LITAF: variants seen among roughly 807,000 people sequenced by gnomAD.
LITAF encodes the protein lipopolysaccharide induced TNF factor.
LITAF carries 9 observed loss-of-function variants against 14.5 expected under a neutral mutation model. That is an observed-to-expected ratio of 0.62 (90% CI 0.37 to 1.08). The LOEUF (loss-of-function observed/expected upper bound fraction) is 1.08, where lower values mean the gene tolerates loss of function less well. Ranked by LOEUF, LITAF falls within the 50% of genes least tolerant of loss-of-function variation. The probability of loss-of-function intolerance (pLI) is 0.01; values close to 1 mark genes in which losing one functional copy is unlikely to be tolerated. For synonymous variants in LITAF, 98 were observed against 88.2 expected (o/e 1.11, Z -0.62); for missense variants, 206 against 213.4 (o/e 0.97, Z 0.22).
upstream of LITAF, among the ~76,000 whole-genome samples, chr16:11,639,282 T>G (rs1396346167): frequency 6.6e-6 from 1 of 150,572 alleles, no homozygotes; most frequent in African/African-American, 2.5e-5. Context: ...GATAAATGGA[T>G]GGATGGGTGG....
intron 1 of LITAF, among the ~76,000 whole-genome samples, chr16:11,566,315 G>A (rs1359508357): frequency 2.0e-5 from 3 of 152,168 alleles, no homozygotes; most frequent in Non-Finnish European, 4.4e-5. Flanking sequence ...CTTGGACAGA[G>A]GGGTTTTTCC....
chr16:11,563,161 T>C lies in LITAF; in HGVS notation c.-5-6426A>G, dbSNP rs531167638. Among the ~76,000 whole-genome samples, 17 of 151,990 alleles carry C rather than the reference T, an allele frequency of 1.1e-4. No individual in the cohort carries two copies. In the South Asian group the frequency reaches 3.3e-3, roughly 30 times the overall value. ...AAAAATTATAATAATAATAATTTTT[T>C]TTTTTGAGTCAGAGTCTCACTCTGT... On this transcript the variant is annotated intron_variant, in intron 1 of 3. Coordinates refer to ENST00000622633, the MANE Select transcript of LITAF (RefSeq NM_001136472.2).
upstream of LITAF, among the ~76,000 whole-genome samples, chr16:11,603,089 G>C (rs1180470255): frequency 6.6e-6 from 1 of 152,128 alleles, no homozygotes; most frequent in Non-Finnish European, 1.5e-5. Context: ...ATTCCAGCCT[G>C]GGCAATCTAG....
chr16:11,613,969 T>G (rs1371254706), intron 3 of LITAF, among the ~76,000 whole-genome samples: 2 of 152,212 alleles, frequency 1.3e-5, no homozygotes, highest in Non-Finnish European at 2.9e-5. Context: ...CTCTGCTTCC[T>G]GGCAGGTCCT....
At chr16:11,611,907 CG>C (rs970943568) in intron 3 of LITAF, among the ~76,000 whole-genome samples, 275 of 152,252 alleles carry the variant, frequency 1.8e-3, no homozygotes, top group African/African-American at 6.0e-3. Flanking sequence ...TCAGGTGATT[CG>C]CCCACCTCGG....
chr16:11,601,482 C>G (rs996554765), upstream of LITAF, among the ~76,000 whole-genome samples: 3 of 152,202 alleles, frequency 2.0e-5, no homozygotes, highest in African/African-American at 7.2e-5. Flanking sequence ...TCTTTCTGAA[C>G]CAAGAATATC....
intron 1 of LITAF, among the ~76,000 whole-genome samples, chr16:11,574,185 G>T (rs1346336274): frequency 6.6e-6 from 1 of 151,934 alleles, no homozygotes; most frequent in Non-Finnish European, 1.5e-5. Context: ...AGAACTACAG[G>T]TGTGCACCAC....
Position 11,553,392 on chromosome 16 carries a change from C to T in LITAF, c.377+141G>A, listed in dbSNP as rs2064212172. 2.1e-6 allele frequency: 2 copies of T among 941,362 alleles called. No individual in the cohort carries two copies. Among genetic ancestry groups the T allele is most frequent in the Non-Finnish European group, 3.3e-6 (2 of 614,968 alleles). The allele number at this position is 941,362 out of a possible 1,614,324, so 58.3% of individuals were successfully genotyped here. A position where few individuals can be genotyped will look rare whatever the true frequency, so the allele number is the denominator to read the frequency against. On this transcript the variant is annotated intron_variant, in intron 3 of 3. Transcript: ENST00000622633. This position sits in a 1 kb window ranked among gnomAD's most constrained non-coding sequence, Gnocchi z 7.7. ...CCCCACTGTACTCCAGCCTGGGCGA[C>T]AGAACCAGATTCCATCTCAAAAAAA...
rs538237791 is a variant in LITAF at position 11,609,784 on chromosome 16, A to G, written c.85+23749T>C. Among the ~76,000 whole-genome samples, 163 of 151,668 alleles carry G rather than the reference A, an allele frequency of 1.1e-3. 1 individual carries two copies. The highest frequency in any genetic ancestry group is 3.7e-3 in the African/African-American group (153 of 41,314). Reference sequence around the variant, plus strand: ...TCCTTCCTGCCCACTTCTCCCTCACACTCCAGAAGCCTCCAGAATGTCTGC... The same window carrying G: ...TCCTTCCTGCCCACTTCTCCCTCACGCTCCAGAAGCCTCCAGAATGTCTGC... On this transcript the variant is annotated intron_variant, in intron 3 of 3. Coordinates refer to the LITAF transcript ENST00000574848.
intron 1 of LITAF, among the ~76,000 whole-genome samples, chr16:11,582,576 A>T (rs867286059): frequency 1.1e-4 from 17 of 152,288 alleles, no homozygotes; most frequent in African/African-American, 4.1e-4. Context: ...CCCAGCCCCC[A>T]GAAAAGAAAC....
At chr16:11,628,678 C>T (rs557656359) in intron 3 of LITAF, among the ~76,000 whole-genome samples, 1 of 129,010 alleles carries the variant, frequency 7.8e-6, no homozygotes, top group Non-Finnish European at 1.8e-5. Context: ...AATATTTTTT[C>T]TTTTCTTTTT....
intron 3 of LITAF, among the ~76,000 whole-genome samples, chr16:11,618,975 T>G (rs2065033802): frequency 7.1e-6 from 1 of 140,972 alleles, no homozygotes; most frequent in Non-Finnish European, 1.5e-5. Flanking sequence ...AGAGCTAGAC[T>G]CGGTCTTAAA....
chr16:11,593,082 A>C (rs2064857763), intron 1 of LITAF, among the ~76,000 whole-genome samples: 1 of 152,134 alleles, frequency 6.6e-6, no homozygotes, highest in Non-Finnish European at 1.5e-5. Flanking sequence ...GAGGTAGGAG[A>C]ATGGCATGAA....
intron 1 of LITAF, chr16:11,561,304 G>A (rs189918128): frequency 2.9e-4 from 44 of 152,224 alleles, no homozygotes; most frequent in African/African-American, 8.9e-4. Context: ...CAAAAACCAC[G>A]GCCTCTCCTC....
At chr16:11,556,167 G>T (rs1326626533) in intron 2 of LITAF, 7 of 447,894 alleles carry the variant, frequency 1.6e-5, no homozygotes, top group Non-Finnish European at 2.8e-5. Context: ...CCTGGCCTCA[G>T]GGCAGAAGTT....
At chr16:11,604,340 T>A (rs893839674) in intron 3 of LITAF, among the ~76,000 whole-genome samples, 11 of 152,208 alleles carry the variant, frequency 7.2e-5, no homozygotes, top group Admixed American at 6.5e-4. Flanking sequence ...GTGAAGCAAG[T>A]ATTTCATATA....
rs573672816 is a variant in LITAF at position 11,555,371 on chromosome 16, T to C, written c.220+1140A>G. On this transcript the variant is annotated intron_variant, in intron 2 of 3. Coordinates refer to ENST00000622633, the MANE Select transcript of LITAF (RefSeq NM_001136472.2). Reference sequence around the variant, plus strand: ...GTTTTTGGGGTTCAAGAATAAGTTATTTGGACCAGGCTCTGTGACTCATGC... The same window carrying C: ...GTTTTTGGGGTTCAAGAATAAGTTACTTGGACCAGGCTCTGTGACTCATGC... Among the ~76,000 whole-genome samples, 60 of 152,284 alleles carry C rather than the reference T, an allele frequency of 3.9e-4. 1 individual carries two copies. The highest frequency in any genetic ancestry group is 1.4e-3 in the African/African-American group (57 of 41,550).
At chr16:11,595,662 G>A (rs1049325260) in intron 1 of LITAF, among the ~76,000 whole-genome samples, 6 of 152,216 alleles carry the variant, frequency 3.9e-5, no homozygotes, top group Non-Finnish European at 7.3e-5. Flanking sequence ...CTGGGAGGCG[G>A]AGCTTGCAGT....
intron 1 of LITAF, among the ~76,000 whole-genome samples, chr16:11,560,819 G>C (rs1230446008): frequency 6.6e-6 from 1 of 152,158 alleles, no homozygotes; most frequent in Admixed American, 6.6e-5. Flanking sequence ...GAGATCGCAG[G>C]AGGTGTTTGT....
Sources: allele counts gnomAD v4.1 joint callset (sites outside exome capture counted in the v4.1 genomes callset), GRCh38; gene constraint gnomAD v4.1.1; non-coding constraint Gnocchi (gnomAD v3.1); transcripts MANE v1.5; gene names NCBI Gene and HGNC (gene_info 2026-07-23, HGNC 2026-07-21).